SH3BGRL2: variants seen among roughly 807,000 people sequenced by gnomAD.
The protein encoded by SH3BGRL2 is SH3 domain binding glutamate rich protein like 2, also known as SH3 domain-binding glutamic acid-rich-like protein 2.
Under a neutral mutation model 14.8 loss-of-function variants are expected in SH3BGRL2, and 21 were observed. The ratio of observed to expected loss-of-function variants is 1.42; its 90% CI spans 1.01 to 2.05. SH3BGRL2 has a LOEUF of 2.05. SH3BGRL2 is among the 30% of genes most tolerant of loss of function. SH3BGRL2 has a pLI of 0.00. For missense variants in SH3BGRL2, 147 were observed against 130.8 expected, an observed-to-expected ratio of 1.12 and a Z score of -0.61; for synonymous variants, 50 against 47.8, an observed-to-expected ratio of 1.05 and a Z score of -0.19.
the SH3BGRL2 span, among the ~76,000 whole-genome samples, chr6:79,564,618 G>C: frequency 5.8e-4 from 88 of 151,944 alleles, no homozygotes; most frequent in Non-Finnish European, 8.7e-4. Flanking sequence ...GCAAGGAGAG[G>C]CTTCCAATTT....
At chr6:79,539,215 A>T in the SH3BGRL2 span, among the ~76,000 whole-genome samples, 27 of 152,344 alleles carry the variant, frequency 1.8e-4, no homozygotes, top group Admixed American at 1.2e-3. Flanking sequence ...TTATTGAATT[A>T]CCATTTTAAA....
intron 2 of SH3BGRL2, among the ~76,000 whole-genome samples, chr6:79,690,235 T>C (rs1014916068): frequency 6.6e-6 from 1 of 152,114 alleles, no homozygotes; most frequent in Admixed American, 6.6e-5. Flanking sequence ...CAGACAGTCC[T>C]CACACCTCAG....
At position 79,636,507 on chromosome 6, in the gene SH3BGRL2, G is replaced by A. The variant is rs77872745; in HGVS notation, c.45+5001G>A. Among the ~76,000 whole-genome samples the A allele has an allele frequency of 8.8e-3, 1,343 of 152,178 alleles. 19 individuals carry two copies. Among genetic ancestry groups the A allele is most frequent in the African/African-American group, 0.031 (1,272 of 41,492 alleles). Reference sequence around the variant, plus strand: ...TAAGTTGGGGGCCCAAGGAGAGGATGTGGTGGTGATGGAAGGTAAGAGTGA... The same window carrying A: ...TAAGTTGGGGGCCCAAGGAGAGGATATGGTGGTGATGGAAGGTAAGAGTGA... On this transcript the variant is annotated intron_variant, in intron 1 of 3. Coordinates refer to ENST00000369838, the MANE Select transcript of SH3BGRL2 (RefSeq NM_031469.4).
intron 1 of SH3BGRL2, among the ~76,000 whole-genome samples, chr6:79,669,141 T>G (rs1769720048): frequency 6.6e-6 from 1 of 152,194 alleles, no homozygotes; most frequent in Non-Finnish European, 1.5e-5. Flanking sequence ...GAGGGCCTCC[T>G]GCACGCTGGT....
chr6:79,554,529 GA>G, the SH3BGRL2 span, among the ~76,000 whole-genome samples: 1 of 152,190 alleles, frequency 6.6e-6, no homozygotes, highest in Non-Finnish European at 1.5e-5. Flanking sequence ...ATGCTGATTT[GA>G]AATTTGTAAT....
chr6:79,697,438 A>G (rs1290542339), intron 3 of SH3BGRL2, among the ~76,000 whole-genome samples: 1 of 152,160 alleles, frequency 6.6e-6, no homozygotes, highest in African/African-American at 2.4e-5. Flanking sequence ...ATAAAAGTAC[A>G]TTTCCTAGAA....
chr6:79,611,042 T>A, the SH3BGRL2 span, among the ~76,000 whole-genome samples: 1 of 152,234 alleles, frequency 6.6e-6, no homozygotes. Flanking sequence ...TTTGTCATTT[T>A]GACTATCCCT....
At chr6:79,674,885 A>G (rs1430327844) in intron 2 of SH3BGRL2, among the ~76,000 whole-genome samples, 4 of 152,190 alleles carry the variant, frequency 2.6e-5, no homozygotes, top group Non-Finnish European at 5.9e-5. Context: ...ATCTTTAAGC[A>G]AGGGATAATG....
intron 1 of SH3BGRL2, among the ~76,000 whole-genome samples, chr6:79,632,009 T>C (rs1768835279): frequency 6.6e-6 from 1 of 152,216 alleles, no homozygotes; most frequent in African/African-American, 2.4e-5. Flanking sequence ...TTTAGTTTTA[T>C]ACCTGCGCAA....
rs114633172 is a variant in SH3BGRL2, at chr6:79,644,666, T to G, written c.45+13160T>G. Reference sequence around the variant, plus strand: ...GGATCTGATACTCTAATGGGCAAGGTGGCTGAACATGCCTTTTTACTTCTC... The same window carrying G: ...GGATCTGATACTCTAATGGGCAAGGGGGCTGAACATGCCTTTTTACTTCTC... On this transcript the variant is annotated intron_variant, in intron 1 of 3. Coordinates refer to ENST00000369838, the MANE Select transcript of SH3BGRL2 (RefSeq NM_031469.4). 8.8e-3 allele frequency among the ~76,000 whole-genome samples: 1,336 copies of G among 152,196 alleles called. 20 individuals are homozygous for G. The highest frequency in any genetic ancestry group is 0.031 in the African/African-American group (1,276 of 41,526).
At chr6:79,696,435 G>C in intron 2 of SH3BGRL2, 50 bp from the exon 3 acceptor site, 1 of 1,330,792 alleles carries the variant, frequency 7.5e-7, no homozygotes, top group Admixed American at 2.2e-5. Context: ...CAAATATAAA[G>C]ATAATTGTTT....
chr6:79,550,191 A>G, the SH3BGRL2 span, among the ~76,000 whole-genome samples: 1 of 152,216 alleles, frequency 6.6e-6, no homozygotes, highest in Admixed American at 6.5e-5. Flanking sequence ...ATAAATATAA[A>G]TAAATAATTT....
chr6:79,632,976 C>T (rs1768854479), intron 1 of SH3BGRL2, among the ~76,000 whole-genome samples: 1 of 152,198 alleles, frequency 6.6e-6, no homozygotes, highest in African/African-American at 2.4e-5. Context: ...TTTATCCCTT[C>T]CACAAGAGAT....
intron 2 of SH3BGRL2, among the ~76,000 whole-genome samples, chr6:79,694,843 C>A (rs1276357661): frequency 6.6e-6 from 1 of 152,164 alleles, no homozygotes; most frequent in Non-Finnish European, 1.5e-5. Flanking sequence ...CGGCTGCCAC[C>A]ATTGCTTACT....
the SH3BGRL2 span, among the ~76,000 whole-genome samples, chr6:79,609,880 G>A: frequency 1.3e-5 from 2 of 152,160 alleles, no homozygotes; most frequent in Non-Finnish European, 2.9e-5. Flanking sequence ...ACCAAAGAAG[G>A]CAGGCCATTC....
intron 1 of SH3BGRL2, among the ~76,000 whole-genome samples, chr6:79,662,287 T>A (rs906388116): frequency 1.3e-5 from 2 of 152,202 alleles, no homozygotes; most frequent in Non-Finnish European, 2.9e-5. Context: ...CTGGTACCAG[T>A]TGTTCCTTTC....
At chr6:79,628,826 A>G (rs1205854151), upstream of SH3BGRL2, among the ~76,000 whole-genome samples, 2 of 152,214 alleles carry the variant, frequency 1.3e-5, no homozygotes, top group African/African-American at 4.8e-5. Flanking sequence ...TTGGACACAG[A>G]GCGCTTATGA....
the SH3BGRL2 span, among the ~76,000 whole-genome samples, chr6:79,598,753 T>C: frequency 3.9e-5 from 6 of 152,180 alleles, no homozygotes; most frequent in Admixed American, 3.9e-4. Context: ...AGACGAATTA[T>C]ATCTTAATGA....
the SH3BGRL2 span, among the ~76,000 whole-genome samples, chr6:79,564,451 T>G: frequency 6.6e-6 from 1 of 152,194 alleles, no homozygotes; most frequent in Non-Finnish European, 1.5e-5. Flanking sequence ...CTTTTACTAC[T>G]TCTGCTATGA....
Sources: allele counts gnomAD v4.1 joint callset (sites outside exome capture counted in the v4.1 genomes callset), GRCh38; gene constraint gnomAD v4.1.1; transcripts MANE v1.5; gene names NCBI Gene and HGNC (gene_info 2026-07-23, HGNC 2026-07-21).